Variants in AMPD3 observed in about 807,000 individuals in gnomAD.
AMPD3 encodes the protein adenosine monophosphate deaminase 3, also known as AMP deaminase 3.
A neutral mutation model predicts 82.3 loss-of-function variants in AMPD3; 57 were observed. The observed-to-expected ratio is 0.69, with a 90% confidence interval of 0.56 to 0.86. The LOEUF is 0.86. Among genes scored for constraint, AMPD3 ranks in the 40% least tolerant of loss-of-function variants. The probability of loss-of-function intolerance (pLI) is 0.00; values close to 1 mark genes in which losing one functional copy is unlikely to be tolerated. For missense variants in AMPD3, 870 were observed against 1,003.8 expected (o/e 0.87, Z 1.80); for synonymous variants, 381 against 394.7 (o/e 0.97, Z 0.41).
At position 10,455,954 on chromosome 11, in the gene AMPD3, G is replaced by A. The variant is rs907642471; in HGVS notation, c.-6+506G>A. On this transcript the variant is annotated intron_variant, in intron 1 of 14. Transcript: ENST00000396553. The stretch of plus-strand genomic sequence containing the variant: ...TGATGATATCGCTCGTTGCTACTCA[G>A]CTTTCAGGAGGAGGCTGGGCGTTAG... 5.1e-6 allele frequency: 5 copies of A among 985,306 alleles called. No homozygotes were observed. In the Admixed American group the frequency reaches 1.8e-4, roughly 36 times the overall value. The allele number at this position is 985,306 out of a possible 1,614,324, so 61.0% of individuals were successfully genotyped here. A position where few individuals can be genotyped will look rare whatever the true frequency, so the allele number is the denominator to read the frequency against.
At chr11:10,477,698 C>G (rs908066324) in intron 2 of AMPD3, among the ~76,000 whole-genome samples, 2 of 152,212 alleles carry the variant, frequency 1.3e-5, no homozygotes, top group Admixed American at 6.5e-5. Flanking sequence ...TCTGTGCCTG[C>G]TCTAGCAGCG....
At chr11:10,452,374 T>C (rs1398622162), upstream of AMPD3, among the ~76,000 whole-genome samples, 1 of 152,154 alleles carries the variant, frequency 6.6e-6, no homozygotes, top group Non-Finnish European at 1.5e-5. Context: ...AGTTCTTCTG[T>C]ATGCTGGTTG....
At chr11:10,450,829 C>T (rs1251710023), upstream of AMPD3, 23 of 1,194,070 alleles carry the variant, frequency 1.9e-5, no homozygotes, top group Non-Finnish European at 2.3e-5. Flanking sequence ...GGCCCTCCCT[C>T]CTCCCGCGGG....
intron 3 of AMPD3, among the ~76,000 whole-genome samples, chr11:10,480,389 A>T (rs976294781): frequency 6.6e-6 from 1 of 152,166 alleles, no homozygotes; most frequent in East Asian, 1.9e-4. Flanking sequence ...GTGTCTGCTC[A>T]CCTATTCCTG....
At chr11:10,452,444 C>T (rs1466405004), upstream of AMPD3, among the ~76,000 whole-genome samples, 1 of 152,032 alleles carries the variant, frequency 6.6e-6, no homozygotes, top group Non-Finnish European at 1.5e-5. Flanking sequence ...CTGACTGGGG[C>T]ATGGGAGGAT....
chr11:10,492,441 CTGTT>C (rs1481084850), intron 6 of AMPD3, among the ~76,000 whole-genome samples: 1 of 152,078 alleles, frequency 6.6e-6, no homozygotes, highest in Non-Finnish European at 1.5e-5. Flanking sequence ...CCTTTAGTGT[CTGTT>C]CTTTTCATTC....
At chr11:10,490,607 A>G in intron 6 of AMPD3, 3 of 985,370 alleles carry the variant, frequency 3.0e-6, no homozygotes, top group Non-Finnish European at 3.6e-6. Context: ...TCCTAAAATA[A>G]TCACCCTTGA....
intron 9 of AMPD3, 58 bp downstream of exon 9, chr11:10,495,791 C>A: frequency 6.2e-7 from 1 of 1,605,994 alleles, no homozygotes. Flanking sequence ...ATCTGTCCCT[C>A]ATGGGCTGCT....
intron 2 of AMPD3, among the ~76,000 whole-genome samples, chr11:10,462,443 G>A (rs1471993286): frequency 6.6e-6 from 1 of 152,182 alleles, no homozygotes; most frequent in African/African-American, 2.4e-5. Flanking sequence ...TGGGGAAGGT[G>A]GAACTGTGGT....
upstream of AMPD3, among the ~76,000 whole-genome samples, chr11:10,453,526 C>A (rs1447462551): frequency 7.2e-5 from 11 of 152,046 alleles, no homozygotes; most frequent in Non-Finnish European, 1.3e-4. Flanking sequence ...AAAAATGAAC[C>A]CCTCTATGCA....
chr11:10,497,528 A>G (rs1018520407), intron 10 of AMPD3: 15 of 967,370 alleles, frequency 1.6e-5, no homozygotes, highest in African/African-American at 1.8e-5. Flanking sequence ...ATGGTGATAC[A>G]GGCCAGTGCC....
chr11:10,458,618 C>A (rs559914046), intron 1 of AMPD3, among the ~76,000 whole-genome samples: 1 of 152,192 alleles, frequency 6.6e-6, no homozygotes, highest in African/African-American at 2.4e-5. Flanking sequence ...TTAATTTTTT[C>A]ATTTACTGTA....
At chr11:10,451,190 C>G (rs528324357), upstream of AMPD3, 73 of 1,458,740 alleles carry the variant, frequency 5.0e-5, 1 homozygote, top group East Asian at 1.8e-3. Context: ...CCGGTCCGAT[C>G]CCTTGCCCTG....
chr11:10,481,593 C>A, intron 3 of AMPD3: 1 of 744,088 alleles, frequency 1.3e-6, no homozygotes, highest in Non-Finnish European at 1.6e-6. Context: ...GCTGTACTTA[C>A]AGCTTTGATT....
intron 9 of AMPD3, chr11:10,496,262 T>G (rs141257913): frequency 1.0e-6 from 1 of 985,318 alleles, no homozygotes. Flanking sequence ...GCAAAGGCCT[T>G]GGGGGAACTA....
intron 2 of AMPD3, among the ~76,000 whole-genome samples, chr11:10,465,585 C>G (rs1848395510): frequency 2.0e-5 from 3 of 152,130 alleles, no homozygotes; most frequent in Admixed American, 2.0e-4. Flanking sequence ...CAAGGTGAGG[C>G]GTTGCCTCAC....
chr11:10,465,887 C>T (rs1005741432), intron 2 of AMPD3, among the ~76,000 whole-genome samples: 7 of 148,802 alleles, frequency 4.7e-5, no homozygotes, highest in African/African-American at 1.7e-4. Flanking sequence ...GAATCATTCA[C>T]TCCCCTGGAA....
chr11:10,475,402 TG>T, intron 2 of AMPD3, among the ~76,000 whole-genome samples: 1 of 152,190 alleles, frequency 6.6e-6, no homozygotes, highest in Non-Finnish European at 1.5e-5. Flanking sequence ...GAGACATGGA[TG>T]CAAACCATGT....
intron 2 of AMPD3, among the ~76,000 whole-genome samples, chr11:10,462,471 CTG>C (rs1554895497): frequency 6.6e-6 from 1 of 152,148 alleles, no homozygotes; most frequent in Non-Finnish European, 1.5e-5. Context: ...CCAGTGGAAA[CTG>C]GAGCCAAGGG....
Sources: gnomAD v4.1 joint callset for allele counts (sites outside exome capture counted in the v4.1 genomes callset) on GRCh38, gnomAD v4.1.1 for gene constraint, MANE v1.5 for transcripts, NCBI Gene and HGNC (gene_info 2026-07-23, HGNC 2026-07-21) for gene names.